The following SORCS2 variants were observed in gnomAD, a reference collection of about 807,000 sequenced individuals.
SORCS2 encodes the protein sortilin related VPS10 domain containing receptor 2.
Under a neutral mutation model 141.6 loss-of-function variants are expected in SORCS2, and 100 were observed. The ratio of observed to expected loss-of-function variants is 0.71; its 90% CI spans 0.60 to 0.83. The LOEUF (loss-of-function observed/expected upper bound fraction) is 0.83. SORCS2 is among the 40% of genes least tolerant of loss of function. The pLI is 0.00. For synonymous variants in SORCS2, 789 were observed against 676.9 expected (o/e 1.17, Z -2.57); for missense variants, 1,646 against 1,560.2 (o/e 1.05, Z -0.93).
At chr4:7,570,661 G>C (rs1305086002) in intron 3 of SORCS2, among the ~76,000 whole-genome samples, 2 of 152,140 alleles carry the variant, frequency 1.3e-5, no homozygotes, top group Non-Finnish European at 2.9e-5. Context: ...TTGTGACTTG[G>C]AAAGTGGCTT....
chr4:7,317,639 A>G (rs908325970), intron 1 of SORCS2, among the ~76,000 whole-genome samples: 1 of 152,124 alleles, frequency 6.6e-6, no homozygotes, highest in East Asian at 1.9e-4. Flanking sequence ...TGGAGGAATC[A>G]ATGTTTCTTC....
chr4:7,409,388 A>G lies in SORCS2; in HGVS notation c.548+13033A>G, dbSNP rs59259509. ...ATGGGTTCATGCCCAGGAGACCTGT[A>G]GAATAAATCTCCAACAGCATGGTGC... On this transcript the variant is annotated intron_variant, in intron 2 of 26. Transcript: ENST00000507866. Among the ~76,000 whole-genome samples, 490 of 152,314 alleles carry G rather than the reference A, an allele frequency of 3.2e-3. 4 individuals carry two copies. Among genetic ancestry groups the G allele is most frequent in the African/African-American group, 0.011 (441 of 41,552 alleles).
At chr4:7,728,764 A>G (rs1013518618) in intron 22 of SORCS2, among the ~76,000 whole-genome samples, 1 of 152,238 alleles carries the variant, frequency 6.6e-6, no homozygotes, top group East Asian at 1.9e-4. Flanking sequence ...GTCGTCCTCC[A>G]GTGCTCCAGA....
chr4:7,347,328 AC>A (rs1248188624), intron 1 of SORCS2, among the ~76,000 whole-genome samples: 1 of 152,096 alleles, frequency 6.6e-6, no homozygotes, highest in Non-Finnish European at 1.5e-5. Context: ...CTCCTTGGCA[AC>A]CCTGAATCCA....
chr4:7,489,218 G>A (rs546201301), intron 2 of SORCS2, among the ~76,000 whole-genome samples: 1 of 152,342 alleles, frequency 6.6e-6, no homozygotes, highest in South Asian at 2.1e-4. Flanking sequence ...GGTGCTGGGT[G>A]GCAGGAAGCT....
chr4:7,405,846 T>C (rs924830309), intron 2 of SORCS2, among the ~76,000 whole-genome samples: 1 of 152,148 alleles, frequency 6.6e-6, no homozygotes, highest in African/African-American at 2.4e-5. Context: ...TCTTGGCTGA[T>C]TGCTGTGGCC....
chr4:7,603,532 A>C (rs1205742125), intron 3 of SORCS2, among the ~76,000 whole-genome samples: 1 of 152,090 alleles, frequency 6.6e-6, no homozygotes, highest in Admixed American at 6.5e-5. Context: ...TATTTGGCTC[A>C]TTTTCAGAGC....
Position 7,407,229 on chromosome 4 carries a change from A to T in SORCS2, c.548+10874A>T, listed in dbSNP as rs190472278. Among the ~76,000 whole-genome samples the T allele has an allele frequency of 3.3e-3, 497 of 151,976 alleles. 1 individual carries two copies. The highest frequency in any genetic ancestry group is 5.4e-3 in the Non-Finnish European group (368 of 67,892). ...GTTTAACTCTGATGTTCCTTTGTTGATCTTCTGTCTGGGTGATCTGTCCAT... is the reference window on the plus strand; with the variant it reads ...GTTTAACTCTGATGTTCCTTTGTTGTTCTTCTGTCTGGGTGATCTGTCCAT... On this transcript the variant is annotated intron_variant, in intron 2 of 26. Transcript: ENST00000507866.
chr4:7,646,570 C>T (rs1283565945), intron 4 of SORCS2, among the ~76,000 whole-genome samples: 2 of 152,030 alleles, frequency 1.3e-5, no homozygotes, highest in African/African-American at 4.8e-5. Flanking sequence ...TTCAGGGCTG[C>T]AGAGAGCTAT....
At chr4:7,267,648 T>A (rs541714241) in intron 1 of SORCS2, among the ~76,000 whole-genome samples, 1 of 152,114 alleles carries the variant, frequency 6.6e-6, no homozygotes, top group East Asian at 1.9e-4. Flanking sequence ...CTGGCTAACA[T>A]GGTAAAACCC....
intron 19 of SORCS2, among the ~76,000 whole-genome samples, chr4:7,724,869 T>C (rs1454055221): frequency 7.0e-6 from 1 of 143,396 alleles, no homozygotes; most frequent in African/African-American, 2.8e-5. Flanking sequence ...ATGGTGGTGG[T>C]AGTGGTGATG....
chr4:7,348,791 G>A (rs1220629058), intron 1 of SORCS2, among the ~76,000 whole-genome samples: 1 of 152,186 alleles, frequency 6.6e-6, no homozygotes, highest in African/African-American at 2.4e-5. Flanking sequence ...GACCTAAGGT[G>A]ATCCACCCAC....
At chr4:7,402,855 C>T (rs58257016) in intron 2 of SORCS2, among the ~76,000 whole-genome samples, 18,582 of 150,364 alleles carry the variant, frequency 0.12, 1,420 homozygotes, top group East Asian at 0.26. Context: ...TTTTGGGTCT[C>T]GTCCTCTGTG....
intron 3 of SORCS2, among the ~76,000 whole-genome samples, chr4:7,560,543 T>A (rs1714460857): frequency 6.6e-6 from 1 of 152,034 alleles, no homozygotes; most frequent in East Asian, 1.9e-4. Flanking sequence ...GCTCGTAGGG[T>A]GTCTGAGACT....
At position 7,497,159 on chromosome 4, in the gene SORCS2, G is replaced by A. The variant is rs562988390; in HGVS notation, c.549-34371G>A. 3.9e-5 allele frequency among the ~76,000 whole-genome samples: 6 copies of A among 152,344 alleles called. No individual in the cohort carries two copies. The South Asian group carries it at 1.0e-3, about 26-fold the overall frequency. On this transcript the variant is annotated intron_variant, in intron 2 of 26. Coordinates refer to ENST00000507866, the MANE Select transcript of SORCS2 (RefSeq NM_020777.3). ...GCCGAAGCCTCAGGCTTGAGGATCC[G>A]CATGGCGCTCTCTTCCCTGCCCCTG...
At chr4:7,278,858 G>A (rs1715682911) in intron 1 of SORCS2, among the ~76,000 whole-genome samples, 2 of 152,232 alleles carry the variant, frequency 1.3e-5, no homozygotes, top group Admixed American at 1.3e-4. Flanking sequence ...ATCTGACACA[G>A]GAATGACATG....
intron 1 of SORCS2, among the ~76,000 whole-genome samples, chr4:7,304,861 T>A (rs1577377134): frequency 6.6e-6 from 1 of 152,314 alleles, no homozygotes; most frequent in East Asian, 1.9e-4. Flanking sequence ...AAACTCACAG[T>A]GAAGTCAGAG....
chr4:7,387,626 T>TGC (rs1184618880), intron 1 of SORCS2, among the ~76,000 whole-genome samples: 3 of 89,178 alleles, frequency 3.4e-5, no homozygotes, highest in East Asian at 5.1e-4. Flanking sequence ...CATACACATT[T>TGC]GCACACACGC....
rs182809720 is a variant in SORCS2 at position 7,668,113 on chromosome 4, C to G, written c.1161+900C>G. Among the ~76,000 whole-genome samples the G allele has an allele frequency of 1.7e-3, 266 of 152,308 alleles. 1 individual carries two copies. The highest frequency in any genetic ancestry group is 6.0e-3 in the African/African-American group (250 of 41,568). On this transcript the variant is annotated intron_variant, in intron 8 of 26. Transcript: ENST00000507866. ...CCAGAATGTGTGCTAGGAGGCCATGCTGTGAATCAGAAGCCCCAGGTTCCT... is the reference window on the plus strand; with the variant it reads ...CCAGAATGTGTGCTAGGAGGCCATGGTGTGAATCAGAAGCCCCAGGTTCCT...
Sources: allele counts gnomAD v4.1 joint callset (sites outside exome capture counted in the v4.1 genomes callset), GRCh38; gene constraint gnomAD v4.1.1; transcripts MANE v1.5; gene names NCBI Gene and HGNC (gene_info 2026-07-23, HGNC 2026-07-21).